Variants in PECAM1 observed in about 807,000 individuals in gnomAD.
PECAM1 encodes platelet endothelial cell adhesion molecule.
Under a neutral mutation model 13.8 loss-of-function variants are expected in PECAM1, and 8 were observed. That is an observed-to-expected ratio of 0.58 (90% CI 0.34 to 1.05). The LOEUF is 1.05. Ranked by LOEUF, PECAM1 falls within the 50% of genes least tolerant of loss-of-function variation. The pLI is 0.03. For missense variants in PECAM1, 304 were observed against 141.2 expected (o/e 2.15, Z -5.84); for synonymous variants, 136 against 52.6 (o/e 2.58, Z -6.86).
chr17:64,355,941 A>C (rs2035835700), intron 8 of PECAM1, among the ~76,000 whole-genome samples, 170 bp downstream of exon 8: 1 of 151,850 alleles, frequency 6.6e-6, no homozygotes, highest in Non-Finnish European at 1.5e-5. Flanking sequence ...TTTTTTACTT[A>C]ATTTGAGTGG....
At chr17:64,333,501 C>T (rs903805069) in intron 14 of PECAM1, among the ~76,000 whole-genome samples, 4 of 152,066 alleles carry the variant, frequency 2.6e-5, no homozygotes, top group Admixed American at 6.5e-5. Context: ...GCATGTTTAG[C>T]GGTATCCCTG....
chr17:64,373,080 C>T (rs1028386609), intron 4 of PECAM1, among the ~76,000 whole-genome samples: 11 of 150,884 alleles, frequency 7.3e-5, no homozygotes, highest in Middle Eastern at 3.4e-3. Flanking sequence ...CCACTGTACT[C>T]GAGCCTGGGC....
intron 2 of PECAM1, among the ~76,000 whole-genome samples, chr17:64,384,765 C>T (rs2143907611): frequency 6.6e-6 from 1 of 152,362 alleles, no homozygotes; most frequent in South Asian, 2.1e-4. Context: ...TCCTGACCCT[C>T]AGAAACTTCA....
chr17:64,328,213 G>T (rs2143672072), intron 15 of PECAM1, among the ~76,000 whole-genome samples: 1 of 152,296 alleles, frequency 6.6e-6, no homozygotes, highest in South Asian at 2.1e-4. Context: ...AAATAAGTTG[G>T]TCCTACAGGG....
At chr17:64,325,220 C>T (rs183131409) in intron 15 of PECAM1, among the ~76,000 whole-genome samples, 10 of 151,998 alleles carry the variant, frequency 6.6e-5, no homozygotes, top group Admixed American at 4.6e-4. Context: ...AACCTTGTCT[C>T]TACTGAAAAA....
intron 15 of PECAM1, among the ~76,000 whole-genome samples, chr17:64,328,736 G>A (rs1179622323): frequency 6.6e-6 from 1 of 152,208 alleles, no homozygotes; most frequent in Non-Finnish European, 1.5e-5. Flanking sequence ...CAGAAATCTT[G>A]CTGAAAGTTC....
intron 2 of PECAM1, among the ~76,000 whole-genome samples, chr17:64,380,536 G>A: frequency 6.6e-6 from 1 of 152,142 alleles, no homozygotes; most frequent in Non-Finnish European, 1.5e-5. Flanking sequence ...TGTCTGGTAT[G>A]CTTTCTTAGC....
chr17:64,348,881 C>T (rs1295802058), intron 12 of PECAM1, among the ~76,000 whole-genome samples: 1 of 152,234 alleles, frequency 6.6e-6, no homozygotes, highest in Non-Finnish European at 1.5e-5. Flanking sequence ...CCATGGTTTC[C>T]TCCCTGACTC....
intron 12 of PECAM1, among the ~76,000 whole-genome samples, chr17:64,349,841 C>G (rs1395446331): frequency 6.6e-6 from 1 of 151,906 alleles, no homozygotes; most frequent in Non-Finnish European, 1.5e-5. Context: ...GCCGAGATCG[C>G]ACCACTGCAC....
chr17:64,363,862 T>C (rs1464516639), intron 5 of PECAM1, among the ~76,000 whole-genome samples: 2 of 151,990 alleles, frequency 1.3e-5, no homozygotes, highest in African/African-American at 4.8e-5. Flanking sequence ...GAGAATCCCT[T>C]GAACCCAGGA....
At chr17:64,337,003 AAGAGAG>A (rs1212203713) in intron 14 of PECAM1, among the ~76,000 whole-genome samples, 3 of 152,000 alleles carry the variant, frequency 2.0e-5, no homozygotes, top group Non-Finnish European at 4.4e-5. Context: ...GAGAGAAAGA[AAGAGAG>A]AGAGAGAAAG....
At chr17:64,353,860 G>C (rs1310828646) in intron 9 of PECAM1, among the ~76,000 whole-genome samples, 5 of 151,620 alleles carry the variant, frequency 3.3e-5, no homozygotes, top group African/African-American at 1.2e-4. Flanking sequence ...ATTTTTGTTA[G>C]TGAAATATGA....
rs1046112808 is a variant in PECAM1, at chr17:64,384,550, T to C, written c.91+5939A>G. 2.6e-5 allele frequency among the ~76,000 whole-genome samples: 4 copies of C among 152,338 alleles called. No individual in the cohort carries two copies. In the East Asian group the frequency reaches 7.7e-4, roughly 29 times the overall value. ...GTCTGGGATCCCTCATTCTGGGGAA[T>C]GCCAGCAGTCATAGCATAAGCAGCC... On this transcript the variant is annotated intron_variant, in intron 2 of 15. Transcript: ENST00000563924.
chr17:64,385,383 A>G (rs1294635242), intron 2 of PECAM1, among the ~76,000 whole-genome samples: 4 of 152,180 alleles, frequency 2.6e-5, no homozygotes, highest in Non-Finnish European at 5.9e-5. Context: ...CTGGCCCTCA[A>G]CCTGGAAATG....
At chr17:64,384,187 C>A (rs2036543789) in intron 2 of PECAM1, among the ~76,000 whole-genome samples, 1 of 152,074 alleles carries the variant, frequency 6.6e-6, no homozygotes, top group African/African-American at 2.4e-5. Flanking sequence ...GCAGGAACAC[C>A]ACATTCCCAT....
chr17:64,345,483 C>T (rs1383905033), intron 13 of PECAM1, among the ~76,000 whole-genome samples: 7 of 152,100 alleles, frequency 4.6e-5, no homozygotes, highest in African/African-American at 9.6e-5. Flanking sequence ...GTGGTCAAGG[C>T]GGGTGGATCA....
intron 11 of PECAM1, among the ~76,000 whole-genome samples, chr17:64,352,152 C>T (rs1319475480): frequency 5.9e-5 from 9 of 152,164 alleles, no homozygotes; most frequent in African/African-American, 9.7e-5. Flanking sequence ...GATTATTCTC[C>T]ATATTTCTTC....
intron 14 of PECAM1, 107 bp downstream of exon 14, chr17:64,341,527 C>G: frequency 2.4e-6 from 1 of 410,274 alleles, no homozygotes; most frequent in African/African-American, 2.1e-5. Flanking sequence ...AGGTGGCACC[C>G]CTTTTTTGGC....
chr17:64,375,295 C>G lies in PECAM1; in HGVS notation c.447G>C (p.Arg149Ser). The stretch of plus-strand genomic sequence containing the variant: ...TTTCCTCTGGGACAGAACAGTTGAC[C>G]CTCACGATCCCACCTTGGATGGCCT... ...KKEAIQGGIV[R>S]VNCSVPEEKA... Residue 149 changes from arginine (R) to serine (S), a missense_variant, in exon 4 of 16, where the codon AGG becomes AGC. Arg to Ser is a moderately radical substitution (Grantham distance 110, BLOSUM62 -1). Transcript: ENST00000563924. The G allele has an allele frequency of 2.1e-6, 1 of 475,134 alleles. No homozygotes were observed. The highest frequency in any genetic ancestry group is 3.2e-5 in the Admixed American group (1 of 31,718). The allele number at this position is 475,134 out of a possible 1,614,324, so 29.4% of individuals were successfully genotyped here. A position where few individuals can be genotyped will look rare whatever the true frequency, so the allele number is the denominator to read the frequency against.
Sources: gnomAD v4.1 joint callset for allele counts (sites outside exome capture counted in the v4.1 genomes callset) on GRCh38, gnomAD v4.1.1 for gene constraint, MANE v1.5 for transcripts, NCBI Gene and HGNC (gene_info 2026-07-23, HGNC 2026-07-21) for gene names.